The following KCNMA1 variants were observed in gnomAD, a reference collection of about 807,000 sequenced individuals.
The protein encoded by KCNMA1 is Calcium-activated potassium channel subunit alpha-1.
KCNMA1 carries 29 observed loss-of-function variants against 140.0 expected under a neutral mutation model. The observed-to-expected ratio is 0.21, with a 90% confidence interval of 0.15 to 0.28. KCNMA1 has a LOEUF of 0.28. KCNMA1 is among the 10% of genes least tolerant of loss of function. The pLI, the probability that KCNMA1 is intolerant of heterozygous loss-of-function variation, is 1.00. For missense variants in KCNMA1, 880 were observed against 1,602.2 expected, an observed-to-expected ratio of 0.55 and a Z score of 7.70; for synonymous variants, 612 against 611.9, an observed-to-expected ratio of 1.00 and a Z score of 0.00.
chr10:77,110,841 G>C (rs1359971072), intron 7 of KCNMA1, among the ~76,000 whole-genome samples: 2 of 152,120 alleles, frequency 1.3e-5, no homozygotes, highest in South Asian at 4.1e-4. Context: ...AGTATATATG[G>C]GCCCTGCTTA....
intron 20 of KCNMA1, 81 bp downstream of exon 20, chr10:76,969,893 G>T: frequency 8.9e-7 from 1 of 1,124,288 alleles, no homozygotes; most frequent in Non-Finnish European, 1.4e-6. Context: ...GAGACTCTGG[G>T]CCTGGCAGGG....
intron 2 of KCNMA1, among the ~76,000 whole-genome samples, chr10:77,365,089 T>C (rs1321530618): frequency 1.4e-4 from 21 of 152,184 alleles, no homozygotes. Flanking sequence ...AGGGCACAGC[T>C]GGGGAGTAAT....
At position 77,345,698 on chromosome 10, in the gene KCNMA1, G is replaced by A. The variant is rs936451561; in HGVS notation, c.540+58164C>T. 2.0e-5 allele frequency among the ~76,000 whole-genome samples: 3 copies of A among 152,202 alleles called. No homozygotes were observed. In the South Asian group the frequency reaches 6.2e-4, roughly 31 times the overall value. On this transcript the variant is annotated intron_variant, in intron 2 of 27. Transcript: ENST00000286628. Reference sequence around the variant, plus strand: ...CAGCGTCCGACACAGGTCTTCAACTGCCATGCAAATACCCCCTACTCTGCA... The same window carrying A: ...CAGCGTCCGACACAGGTCTTCAACTACCATGCAAATACCCCCTACTCTGCA...
At chr10:77,237,484 G>C (rs772149034) in intron 3 of KCNMA1, among the ~76,000 whole-genome samples, 7 of 152,100 alleles carry the variant, frequency 4.6e-5, no homozygotes, top group Admixed American at 3.3e-4. Flanking sequence ...TAAAGACAGG[G>C]TCTCACTCTG....
chr10:76,901,095 C>G (rs1481817043), intron 25 of KCNMA1, among the ~76,000 whole-genome samples: 2 of 151,950 alleles, frequency 1.3e-5, no homozygotes, highest in Admixed American at 6.6e-5. Flanking sequence ...TATGGAGGCT[C>G]TGCAAATCAT....
At chr10:77,340,520 A>G (rs1043133620) in intron 2 of KCNMA1, among the ~76,000 whole-genome samples, 6 of 152,180 alleles carry the variant, frequency 3.9e-5, no homozygotes, top group African/African-American at 1.2e-4. Context: ...ACCATGGAAC[A>G]CTATGCAGCC....
intron 1 of KCNMA1, among the ~76,000 whole-genome samples, chr10:77,457,835 G>A (rs979166976): frequency 2.0e-5 from 3 of 152,128 alleles, no homozygotes; most frequent in Non-Finnish European, 1.5e-5. Context: ...TGTTGCCTGC[G>A]AGTGCAGTGC....
intron 2 of KCNMA1, among the ~76,000 whole-genome samples, chr10:77,386,910 A>G (rs1005733611): frequency 3.3e-5 from 5 of 152,346 alleles, no homozygotes; most frequent in Non-Finnish European, 7.3e-5. Context: ...AACAGGAAGA[A>G]ATAGAAGGTG....
chr10:77,489,747 G>C (rs980744429), intron 1 of KCNMA1, among the ~76,000 whole-genome samples: 2 of 152,256 alleles, frequency 1.3e-5, no homozygotes, highest in Non-Finnish European at 2.9e-5. Context: ...ACAAGAGAAA[G>C]AGCCTTGAAA....
In KCNMA1 at chr10:77,368,427, T is replaced by C. The variant is rs141571582; in HGVS notation, c.540+35435A>G. Among the ~76,000 whole-genome samples the C allele has an allele frequency of 3.0e-3, 461 of 152,362 alleles. 8 individuals are homozygous for C. Among genetic ancestry groups the C allele is most frequent in the Middle Eastern group, 0.027 (8 of 294 alleles). The stretch of plus-strand genomic sequence containing the variant: ...TGTTGAATTTTGAGAGTTCTTTATA[T>C]ATCCTGGCTATAAAGCCTTCTGTAA... On this transcript the variant is annotated intron_variant, in intron 2 of 27. Coordinates refer to ENST00000286628, the MANE Select transcript of KCNMA1 (RefSeq NM_001161352.2).
intron 1 of KCNMA1, chr10:77,586,389 G>A (rs548923289): frequency 3.9e-5 from 6 of 152,284 alleles, no homozygotes; most frequent in African/African-American, 7.2e-5. Flanking sequence ...GATCCTTCAC[G>A]AGCAACCCTC....
chr10:77,225,633 C>A (rs1361282093), intron 3 of KCNMA1, among the ~76,000 whole-genome samples: 1 of 152,192 alleles, frequency 6.6e-6, no homozygotes, highest in Non-Finnish European at 1.5e-5. Flanking sequence ...GAAACTCCTG[C>A]GGCTGTCGTA....
chr10:76,891,220 C>T (rs375737371), intron 26 of KCNMA1, among the ~76,000 whole-genome samples: 2 of 152,216 alleles, frequency 1.3e-5, no homozygotes, highest in Admixed American at 6.5e-5. Flanking sequence ...GGCTCTGAAG[C>T]CAGGATGCCT....
chr10:77,497,024 C>A (rs2042203018), intron 1 of KCNMA1, among the ~76,000 whole-genome samples: 1 of 152,212 alleles, frequency 6.6e-6, no homozygotes, highest in African/African-American at 2.4e-5. Context: ...CCCAGGCGAA[C>A]AAAAGGACCA....
chr10:77,083,576 A>G (rs1458073328), intron 12 of KCNMA1, among the ~76,000 whole-genome samples: 1 of 150,556 alleles, frequency 6.6e-6, no homozygotes, highest in Non-Finnish European at 1.5e-5. Flanking sequence ...CCTGTAATCC[A>G]GAGTTTTGGG....
At chr10:77,522,617 G>T (rs1240804895) in intron 1 of KCNMA1, among the ~76,000 whole-genome samples, 6 of 152,160 alleles carry the variant, frequency 3.9e-5, no homozygotes, top group Admixed American at 3.9e-4. Flanking sequence ...TGGCAGGGGG[G>T]CCGGATACAG....
At chr10:77,359,154 T>C (rs1603393690) in intron 2 of KCNMA1, among the ~76,000 whole-genome samples, 1 of 152,310 alleles carries the variant, frequency 6.6e-6, no homozygotes, top group East Asian at 1.9e-4. Flanking sequence ...CCCTGTCCCC[T>C]CAACCCAGAG....
intron 13 of KCNMA1, among the ~76,000 whole-genome samples, chr10:77,078,255 T>C (rs983650877): frequency 6.6e-6 from 1 of 152,214 alleles, no homozygotes; most frequent in African/African-American, 2.4e-5. Context: ...CTCCAGGTAC[T>C]GGGCAGCCTC....
intron 23 of KCNMA1, among the ~76,000 whole-genome samples, chr10:76,938,801 A>G (rs920717923): frequency 1.3e-5 from 2 of 152,142 alleles, no homozygotes; most frequent in African/African-American, 4.8e-5. Context: ...ACACATCCCC[A>G]GGAATCTTTG....
Sources: gnomAD v4.1 joint callset for allele counts (sites outside exome capture counted in the v4.1 genomes callset) on GRCh38, gnomAD v4.1.1 for gene constraint, MANE v1.5 for transcripts, NCBI Gene and HGNC (gene_info 2026-07-23, HGNC 2026-07-21) for gene names.